The following TEX14 variants were observed in gnomAD, a reference collection of about 807,000 sequenced individuals.
TEX14 encodes the protein testis expressed 14, intercellular bridge forming factor.
TEX14 carries 168 observed loss-of-function variants against 178.6 expected under a neutral mutation model. That is an observed-to-expected ratio of 0.94 (90% CI 0.83 to 1.07). The LOEUF (loss-of-function observed/expected upper bound fraction) is 1.07, where lower values mean the gene tolerates loss of function less well. Ranked by LOEUF, TEX14 falls within the 50% of genes least tolerant of loss-of-function variation. TEX14 has a pLI of 0.00. For synonymous variants in TEX14, 626 were observed against 634.1 expected (o/e 0.99, Z 0.19); for missense variants, 1,730 against 1,753.6 (o/e 0.99, Z 0.24).
chr17:58,654,942 C>T (rs943165014), intron 1 of TEX14, among the ~76,000 whole-genome samples: 1 of 151,960 alleles, frequency 6.6e-6, no homozygotes, highest in African/African-American at 2.4e-5. Context: ...TGAGTCACCG[C>T]GCCTGGCCAA....
intron 1 of TEX14, chr17:58,679,557 C>T (rs1598437125): frequency 6.6e-6 from 1 of 152,210 alleles, no homozygotes; most frequent in African/African-American, 2.4e-5. Context: ...TCCCCACTAC[C>T]ACAAATTATG....
rs554553938 is a variant in TEX14 at position 58,617,484 on chromosome 17, C to T, written c.636+54G>A. ...TTGGACAAAGGTGGGAGATGGGGCC[C>T]GATGATTCTCCAGTTAGTCCTGCAA... is the stretch of plus-strand genomic sequence containing the variant. On this transcript the variant is annotated intron_variant, in intron 6 of 31. Coordinates refer to ENST00000349033, the MANE Select transcript of TEX14 (RefSeq NM_031272.5). 36 of 1,356,592 alleles carry T rather than the reference C, an allele frequency of 2.7e-5. No individual in the cohort carries two copies. In the African/African-American group the frequency reaches 3.4e-4, roughly 13 times the overall value. 84.0% of individuals were successfully genotyped at this position (1,356,592 alleles called of 1,614,324 possible). A position where few individuals can be genotyped will look rare whatever the true frequency, so the allele number is the denominator to read the frequency against.
chr17:58,620,563 G>A (rs546843531), intron 5 of TEX14, among the ~76,000 whole-genome samples: 125 of 151,940 alleles, frequency 8.2e-4, no homozygotes, highest in Admixed American at 2.0e-3. Context: ...GTGCGATCTC[G>A]GCTCACTGCA....
intron 28 of TEX14, among the ~76,000 whole-genome samples, chr17:58,563,814 AC>A (rs2044340753): frequency 3.1e-5 from 3 of 96,734 alleles, no homozygotes; most frequent in Non-Finnish European, 4.9e-5. Context: ...ACACACAGAC[AC>A]ACACACACAC....
chr17:58,648,787 T>C (rs1188441480), intron 2 of TEX14, among the ~76,000 whole-genome samples: 2 of 21,526 alleles, frequency 9.3e-5, no homozygotes, highest in Non-Finnish European at 2.1e-4. Flanking sequence ...TTTTTTTTTC[T>C]TTTTTTTTTT....
intron 1 of TEX14, among the ~76,000 whole-genome samples, chr17:58,684,677 A>G (rs2047562057): frequency 7.4e-6 from 1 of 136,022 alleles, no homozygotes; most frequent in South Asian, 2.3e-4. Flanking sequence ...AAATAAATAA[A>G]TAAAAAGCTT....
intron 1 of TEX14, among the ~76,000 whole-genome samples, chr17:58,656,551 C>T (rs1019501212): frequency 4.0e-5 from 6 of 151,712 alleles, no homozygotes; most frequent in African/African-American, 1.2e-4. Context: ...GTCGGGAGTT[C>T]GAGACCAGCC....
intron 5 of TEX14, among the ~76,000 whole-genome samples, chr17:58,620,154 G>A (rs139129796): frequency 4.5e-4 from 68 of 152,150 alleles, no homozygotes; most frequent in African/African-American, 1.4e-3. Context: ...TCTGAAGGAC[G>A]GGTCTCCATA....
chr17:58,647,741 C>A (rs1365126445), intron 2 of TEX14, among the ~76,000 whole-genome samples: 1 of 151,952 alleles, frequency 6.6e-6, no homozygotes, highest in Non-Finnish European at 1.5e-5. Flanking sequence ...GTCGCCCAGG[C>A]TAGAGTGCAG....
chr17:58,657,305 T>C (rs1401028313), intron 1 of TEX14, among the ~76,000 whole-genome samples: 1 of 151,902 alleles, frequency 6.6e-6, no homozygotes, highest in African/African-American at 2.4e-5. Context: ...TGTGAGGGCT[T>C]GTGCCTGTTC....
At chr17:58,652,591 T>G (rs2046863113) in intron 1 of TEX14, among the ~76,000 whole-genome samples, 1 of 152,172 alleles carries the variant, frequency 6.6e-6, no homozygotes, top group African/African-American at 2.4e-5. Context: ...TTACCAAGTC[T>G]CCGGCATGTC....
At chr17:58,599,772 G>C in intron 13 of TEX14, 106 bp from the exon 14 acceptor site, 1 of 821,074 alleles carries the variant, frequency 1.2e-6, no homozygotes, top group Non-Finnish European at 1.9e-6. Flanking sequence ...AAAAAAAAAA[G>C]TTTTTTATTT....
intron 10 of TEX14, among the ~76,000 whole-genome samples, chr17:58,609,088 G>A (rs1356973447): frequency 6.6e-6 from 1 of 152,150 alleles, no homozygotes; most frequent in Non-Finnish European, 1.5e-5. Flanking sequence ...AAGTGTCATG[G>A]CTCCGGTCAT....
At chr17:58,635,117 A>G (rs2046405083) in intron 2 of TEX14, among the ~76,000 whole-genome samples, 1 of 148,970 alleles carries the variant, frequency 6.7e-6, no homozygotes, top group African/African-American at 2.5e-5. Flanking sequence ...GGGTTGACAA[A>G]GCGAAACTCT....
chr17:58,580,221 G>C (rs1344208736), intron 19 of TEX14, among the ~76,000 whole-genome samples: 1 of 152,110 alleles, frequency 6.6e-6, no homozygotes, highest in East Asian at 1.9e-4. Context: ...TGCTCAAGCT[G>C]TTCTCAAACT....
In TEX14 at chr17:58,569,408, T is replaced by C. The variant is rs1461938918; in HGVS notation, c.3818-148A>G. ...AGGAAGGAAGCCTCTTACATAATAG[T>C]TCCAGTAGAGACCTCCTAACATGTG... On this transcript the variant is annotated intron_variant, in intron 25 of 31. Transcript: ENST00000349033. The surrounding 1 kb of genome is among the most constrained non-coding windows in gnomAD (Gnocchi z 4.1). 4.7e-6 allele frequency: 3 copies of C among 635,958 alleles called. No homozygotes were observed. The Admixed American group carries it at 8.1e-5, about 17-fold the overall frequency. 39.4% of individuals were successfully genotyped at this position (635,958 alleles called of 1,614,324 possible).
At chr17:58,677,067 C>T (rs302866) in intron 1 of TEX14, among the ~76,000 whole-genome samples, 17,763 of 145,582 alleles carry the variant, frequency 0.12, 1,427 homozygotes, top group Middle Eastern at 0.2. Flanking sequence ...TGCTGGGAGC[C>T]GAGATCAAAC....
At chr17:58,672,802 G>A (rs1216685104) in intron 1 of TEX14, among the ~76,000 whole-genome samples, 1 of 151,898 alleles carries the variant, frequency 6.6e-6, no homozygotes, top group Non-Finnish European at 1.5e-5. Flanking sequence ...TGTGATCTCG[G>A]CTTACTGCAA....
chr17:58,630,501 C>A lies in TEX14; in HGVS notation c.190G>T (p.Ala64Ser), dbSNP rs2046262324. Residue 64 changes from alanine (A) to serine (S), a missense_variant, in exon 3 of 32, where the codon GCG becomes TCG. This residue lies in a region of TEX14 where 789 missense variants were observed against 681.2 expected (regional missense o/e 1.16). Coordinates refer to ENST00000349033, the MANE Select transcript of TEX14 (RefSeq NM_031272.5). ...ACGAATTTCCTAAGGCCCAATAACGCCGCAACAAAAAGTGCTGTTTGGCCC... is the reference window on the plus strand; with the variant it reads ...ACGAATTTCCTAAGGCCCAATAACGACGCAACAAAAAGTGCTGTTTGGCCC... ...SLGQTALFVA[A>S]LLGLRKFVDV... The A allele has an allele frequency of 1.2e-6, 2 of 1,613,908 alleles. No individual in the cohort carries two copies. Among genetic ancestry groups the A allele is most frequent in the Admixed American group, 1.7e-5 (1 of 59,992 alleles).
Sources: allele counts gnomAD v4.1 joint callset (sites outside exome capture counted in the v4.1 genomes callset), GRCh38; gene constraint gnomAD v4.1.1; regional missense constraint gnomAD v4.1.1; non-coding constraint Gnocchi (gnomAD v3.1); transcripts MANE v1.5; gene names NCBI Gene and HGNC (gene_info 2026-07-23, HGNC 2026-07-21).